GRAMD1B: variants seen among roughly 807,000 people sequenced by gnomAD.
GRAMD1B encodes the protein GRAM domain containing 1B.
In GRAMD1B, 37 loss-of-function variants were observed where a neutral mutation model predicts 99.7. The observed-to-expected ratio is 0.37, with a 90% CI of 0.29 to 0.49. The LOEUF (loss-of-function observed/expected upper bound fraction) is 0.49. GRAMD1B is among the 20% of genes least tolerant of loss of function. The probability of loss-of-function intolerance (pLI) is 0.98; values close to 1 mark genes in which losing one functional copy is unlikely to be tolerated. For synonymous variants in GRAMD1B, 427 were observed against 387.6 expected, an observed-to-expected ratio of 1.10 and a Z score of -1.19; for missense variants, 888 against 1,009.2, an observed-to-expected ratio of 0.88 and a Z score of 1.63.
At chr11:123,597,012 A>G (rs1320205904) in intron 7 of GRAMD1B, among the ~76,000 whole-genome samples, 1 of 152,190 alleles carries the variant, frequency 6.6e-6, no homozygotes, top group Non-Finnish European at 1.5e-5. Flanking sequence ...TTGTAGAAGA[A>G]ACAGGTAGAC....
chr11:123,478,309 G>T (rs1479662960), intron 1 of GRAMD1B, among the ~76,000 whole-genome samples: 1 of 152,240 alleles, frequency 6.6e-6, no homozygotes, highest in Non-Finnish European at 1.5e-5. Context: ...AACCCGCCTG[G>T]TTCCATACTG....
chr11:123,488,605 T>G (rs1938158192), intron 2 of GRAMD1B, among the ~76,000 whole-genome samples: 1 of 151,962 alleles, frequency 6.6e-6, no homozygotes, highest in Non-Finnish European at 1.5e-5. Flanking sequence ...GGAACGGAGG[T>G]GTGAACCTGG....
chr11:123,469,267 C>T (rs1950865529), intron 1 of GRAMD1B, among the ~76,000 whole-genome samples: 1 of 151,962 alleles, frequency 6.6e-6, no homozygotes, highest in Admixed American at 6.6e-5. Context: ...GGATTTTAAG[C>T]CAGGAAGAGA....
At chr11:123,541,067 G>A (rs1944468303) in intron 2 of GRAMD1B, among the ~76,000 whole-genome samples, 2 of 151,834 alleles carry the variant, frequency 1.3e-5, no homozygotes, top group East Asian at 1.9e-4. Context: ...TCCGCCTCCC[G>A]GGTTCAAGGA....
chr11:123,526,279 T>C, intron 2 of GRAMD1B: 1 of 960,458 alleles, frequency 1.0e-6, no homozygotes, highest in Non-Finnish European at 1.7e-6. Context: ...TCACCAGGCA[T>C]CGAGGGGTTA....
intron 1 of GRAMD1B, among the ~76,000 whole-genome samples, chr11:123,377,466 A>T (rs1946726716): frequency 6.6e-6 from 1 of 152,216 alleles, no homozygotes; most frequent in Non-Finnish European, 1.5e-5. Flanking sequence ...AGCAGTCGCC[A>T]GAGTATAACT....
Position 123,577,384 on chromosome 11 carries a change from A to G in GRAMD1B, c.470A>G (p.Asn157Ser), listed in dbSNP as rs1948829250. The change falls in exon 3 of 20, where the codon AAC becomes AGC. Residue 157 changes from asparagine to serine, a missense_variant. By Grantham distance (46) the Asn-to-Ser change is conservative. Transcript: ENST00000635736. ...AREESTASNS[N>S]RSTPACSPIL... ...CGCTGCAGCACTGCCAGTAACTCCA[A>G]CCGCAGCACGCCGGCCTGCTCGCCC... 4 of 1,587,926 alleles carry G rather than the reference A, an allele frequency of 2.5e-6. No individual in the cohort carries two copies. The highest frequency in any genetic ancestry group is 2.3e-5 in the East Asian group (1 of 43,368).
intron 1 of GRAMD1B, among the ~76,000 whole-genome samples, chr11:123,407,570 G>A (rs113775648): frequency 1.4e-3 from 210 of 152,278 alleles, no homozygotes; most frequent in Non-Finnish European, 2.2e-3. Flanking sequence ...GAGGGCATTA[G>A]GAACCTGTTG....
chr11:123,603,341 G>A, intron 8 of GRAMD1B, 85 bp from the exon 9 acceptor site: 1 of 811,966 alleles, frequency 1.2e-6, no homozygotes, highest in South Asian at 1.5e-5. Context: ...CTCTTCTCCA[G>A]GGGAACCAGC....
chr11:123,620,041 T>G (rs116072834), intron 19 of GRAMD1B, among the ~76,000 whole-genome samples: 6 of 152,252 alleles, frequency 3.9e-5, no homozygotes, highest in Admixed American at 3.3e-4. Context: ...CAAGGGACCT[T>G]GAGCTTCCAT....
chr11:123,367,321 G>A (rs904245222), intron 1 of GRAMD1B, among the ~76,000 whole-genome samples: 3 of 152,184 alleles, frequency 2.0e-5, no homozygotes, highest in Non-Finnish European at 2.9e-5. Flanking sequence ...AAGCAGAAGA[G>A]TCAGACACCT....
chr11:123,602,954 G>T (rs564982024), intron 8 of GRAMD1B, among the ~76,000 whole-genome samples: 38 of 152,322 alleles, frequency 2.5e-4, no homozygotes, highest in African/African-American at 8.2e-4. Context: ...ATCCAGTAGG[G>T]TCTGTAAGGC....
chr11:123,432,012 C>T (rs1948917276), intron 1 of GRAMD1B: 2 of 398,528 alleles, frequency 5.0e-6, no homozygotes, highest in African/African-American at 4.1e-5. Context: ...TACTTTGAGA[C>T]TTTAGGGTCC....
At chr11:123,601,373 AGACCCT>A (rs1951939320) in intron 8 of GRAMD1B, among the ~76,000 whole-genome samples, 1 of 150,074 alleles carries the variant, frequency 6.7e-6, no homozygotes, top group African/African-American at 2.4e-5. Flanking sequence ...TGACAGAGCA[AGACCCT>A]GTTTCAATTA....
At chr11:123,428,057 C>T (rs1948713783), upstream of GRAMD1B, among the ~76,000 whole-genome samples, 1 of 152,146 alleles carries the variant, frequency 6.6e-6, no homozygotes, top group African/African-American at 2.4e-5. Context: ...TCTTCTGGCC[C>T]CTGTCTTGTG....
At chr11:123,457,134 A>AAAGAAAGAAAGAAAGAAAGAAAGGAAGG (rs1555124313) in intron 1 of GRAMD1B, among the ~76,000 whole-genome samples, 2 of 147,490 alleles carry the variant, frequency 1.4e-5, no homozygotes, top group South Asian at 2.1e-4. Context: ...AGAAAGAAAG[A>AAAGAAAGAAAGAAAGAAAGAAAGGAAGG]AAGAATTAGA....
chr11:123,431,145 G>A lies in GRAMD1B; in HGVS notation c.353G>A (p.Arg118Gln). ...CGCAAGTGGCTGAGGGTGAGGGAGCGGAAGGAGTGCAGTGAAAGCAGGTAC... is the reference window on the plus strand; with the variant it reads ...CGCAAGTGGCTGAGGGTGAGGGAGCAGAAGGAGTGCAGTGAAAGCAGGTAC... Reference protein sequence around the residue: ...LLRKWLRVRERKECSESSSQQ... With the variant: ...LLRKWLRVREQKECSESSSQQ... Residue 118 changes from arginine (R) to glutamine (Q), a missense_variant, in exon 1 of 20, where the codon CGG becomes CAG. Around this residue, in one of 5 missense-constraint regions of GRAMD1B, gnomAD observed 233 missense variants for 154.6 expected, o/e 1.51. Coordinates refer to ENST00000635736, the MANE Select transcript of GRAMD1B (RefSeq NM_001387025.1). 1 of 702,698 alleles carries A rather than the reference G, an allele frequency of 1.4e-6. No homozygotes were observed. Among genetic ancestry groups the A allele is most frequent in the Non-Finnish European group, 2.6e-6 (1 of 384,800 alleles). 43.5% of individuals were successfully genotyped at this position (702,698 alleles called of 1,614,324 possible).
chr11:123,563,960 G>A (rs1317592006), intron 2 of GRAMD1B, among the ~76,000 whole-genome samples: 1 of 152,166 alleles, frequency 6.6e-6, no homozygotes, highest in Non-Finnish European at 1.5e-5. Context: ...TTAACATGTG[G>A]TCATTCTTCG....
intron 2 of GRAMD1B, among the ~76,000 whole-genome samples, chr11:123,534,793 G>A (rs543628883): frequency 6.6e-6 from 1 of 152,240 alleles, no homozygotes; most frequent in South Asian, 2.1e-4. Flanking sequence ...TGAACCCAGA[G>A]GTGGAGGTTG....
Sources: gnomAD v4.1 joint callset for allele counts (sites outside exome capture counted in the v4.1 genomes callset) on GRCh38, gnomAD v4.1.1 for gene constraint, gnomAD v4.1.1 regional missense constraint, MANE v1.5 for transcripts, NCBI Gene and HGNC (gene_info 2026-07-23, HGNC 2026-07-21) for gene names.